GFRA2: variants seen among roughly 807,000 people sequenced by gnomAD.
The protein encoded by GFRA2 is GDNF family receptor alpha-2.
GFRA2 carries 17 observed loss-of-function variants against 48.3 expected under a neutral mutation model. The ratio of observed to expected loss-of-function variants is 0.35; its 90% CI spans 0.24 to 0.53. The LOEUF (loss-of-function observed/expected upper bound fraction) is 0.53, where lower values mean the gene tolerates loss of function less well. GFRA2 is among the 20% of genes least tolerant of loss of function. GFRA2 has a pLI of 0.93. For synonymous variants in GFRA2, 305 were observed against 257.2 expected (o/e 1.19, Z -1.78); for missense variants, 660 against 637.3 (o/e 1.04, Z -0.38).
At chr8:21,775,961 G>C (rs1806673541) in intron 2 of GFRA2, among the ~76,000 whole-genome samples, 1 of 151,436 alleles carries the variant, frequency 6.6e-6, no homozygotes, top group African/African-American at 2.4e-5. Context: ...TATTGGTGAG[G>C]GGAAATTGAT....
At chr8:21,770,471 C>T (rs1461257861) in intron 3 of GFRA2, among the ~76,000 whole-genome samples, 2 of 152,282 alleles carry the variant, frequency 1.3e-5, no homozygotes, top group South Asian at 2.1e-4. Flanking sequence ...AGAGGTGGGA[C>T]AGGGATTGGA....
upstream of GFRA2, among the ~76,000 whole-genome samples, chr8:21,791,846 A>G (rs888534767): frequency 5.7e-4 from 87 of 152,362 alleles, no homozygotes; most frequent in African/African-American, 2.1e-3. Context: ...CAGGGGTTCA[A>G]GGGCAACAGA....
intron 2 of GFRA2, among the ~76,000 whole-genome samples, chr8:21,799,572 C>G (rs1175238942): frequency 6.6e-6 from 1 of 152,202 alleles, no homozygotes; most frequent in Non-Finnish European, 1.5e-5. Context: ...ACTTTAAAGT[C>G]TAATTCTATA....
chr8:21,767,193 G>A (rs981894443), intron 3 of GFRA2, among the ~76,000 whole-genome samples: 51 of 132,018 alleles, frequency 3.9e-4, no homozygotes, highest in Middle Eastern at 4.8e-3. Flanking sequence ...ACACATCACC[G>A]CCTACACATA....
At chr8:21,730,594 G>T (rs1464296765) in intron 4 of GFRA2, among the ~76,000 whole-genome samples, 1 of 152,086 alleles carries the variant, frequency 6.6e-6, no homozygotes, top group Non-Finnish European at 1.5e-5. Flanking sequence ...TCATTCTCCA[G>T]GTGCCTCTCC....
intron 4 of GFRA2, among the ~76,000 whole-genome samples, chr8:21,723,901 C>A (rs36053814): frequency 0.13 from 19,870 of 152,038 alleles, 1,366 homozygotes; most frequent in Non-Finnish European, 0.15. Flanking sequence ...CAAGGGGAGT[C>A]CCCACAGCAG....
chr8:21,810,927 G>A (rs2117125302), intron 1 of GFRA2, among the ~76,000 whole-genome samples: 1 of 152,314 alleles, frequency 6.6e-6, no homozygotes, highest in South Asian at 2.1e-4. Context: ...AGCAACTCTA[G>A]AAGAAGCACC....
chr8:21,786,407 C>T (rs931369206), intron 1 of GFRA2, among the ~76,000 whole-genome samples: 13 of 152,266 alleles, frequency 8.5e-5, no homozygotes, highest in African/African-American at 3.1e-4. Context: ...GGCAATCTGG[C>T]TGTTTTGCCT....
At chr8:21,804,616 T>G (rs981488823) in intron 2 of GFRA2, among the ~76,000 whole-genome samples, 2 of 152,108 alleles carry the variant, frequency 1.3e-5, no homozygotes, top group African/African-American at 2.4e-5. Flanking sequence ...CTGCCTCTTC[T>G]TCTGTCCCCA....
intron 4 of GFRA2, among the ~76,000 whole-genome samples, chr8:21,736,249 C>A (rs1483715664): frequency 2.0e-5 from 3 of 152,044 alleles, no homozygotes; most frequent in African/African-American, 7.2e-5. Flanking sequence ...GACACACACC[C>A]ATCAGGAAAA....
At chr8:21,725,967 C>G (rs115080420) in intron 4 of GFRA2, among the ~76,000 whole-genome samples, 2,874 of 152,338 alleles carry the variant, frequency 0.019, 78 homozygotes, top group African/African-American at 0.065. Flanking sequence ...AACGCTGTGG[C>G]TCTCTCCTGA....
intron 3 of GFRA2, among the ~76,000 whole-genome samples, chr8:21,772,870 C>T (rs953760381): frequency 2.0e-5 from 3 of 152,322 alleles, no homozygotes; most frequent in South Asian, 4.1e-4. Flanking sequence ...TGGGCTAAGG[C>T]GAGGATCTCT....
intron 4 of GFRA2, among the ~76,000 whole-genome samples, chr8:21,730,027 G>C (rs13269846): frequency 0.23 from 35,076 of 151,856 alleles, 4,431 homozygotes; most frequent in Middle Eastern, 0.35. Context: ...GGTGGACCTC[G>C]AGGGCCTCTC....
intron 3 of GFRA2, among the ~76,000 whole-genome samples, chr8:21,753,840 C>T (rs540368059): frequency 6.3e-4 from 96 of 152,220 alleles, no homozygotes; most frequent in Non-Finnish European, 1.1e-3. Flanking sequence ...TGTATATGGC[C>T]TCACCTCCTA....
chr8:21,723,264 C>G (rs1199596968), intron 4 of GFRA2, among the ~76,000 whole-genome samples: 1 of 152,146 alleles, frequency 6.6e-6, no homozygotes, highest in Non-Finnish European at 1.5e-5. Flanking sequence ...TTAGAACAAG[C>G]AGGTTCAGGC....
upstream of GFRA2, among the ~76,000 whole-genome samples, chr8:21,790,651 C>T (rs1158029301): frequency 2.0e-5 from 3 of 152,190 alleles, no homozygotes; most frequent in Non-Finnish European, 4.4e-5. Context: ...CCCCAGCCAT[C>T]CAGTTGTGCC....
intron 4 of GFRA2, among the ~76,000 whole-genome samples, chr8:21,711,112 C>T (rs1803000684): frequency 6.6e-6 from 1 of 152,224 alleles, no homozygotes; most frequent in South Asian, 2.1e-4. Flanking sequence ...TTATGCTTTT[C>T]ATAATACAAG....
In GFRA2 at chr8:21,693,364, T is replaced by C. The variant is rs1177238919; in HGVS notation, c.1309A>G (p.Ile437Val). The C allele has an allele frequency of 1.2e-6, 2 of 1,613,164 alleles. No individual in the cohort carries two copies. The highest frequency in any genetic ancestry group is 3.3e-5 in the Admixed American group (2 of 59,926). ...CTGCTGGGGCCTGAGTTAGGTTTGA[T>C]CACCTTGTTACTCCCTGGGATGATA... ...TNIIPGSNKV[I>V]KPNSGPSRAR... Residue 437 changes from isoleucine to valine, a missense_variant, in exon 9 of 9, where the codon ATC becomes GTC. Coordinates refer to ENST00000524240, the MANE Select transcript of GFRA2 (RefSeq NM_001495.5).
At chr8:21,725,627 T>C (rs1269046920) in intron 4 of GFRA2, among the ~76,000 whole-genome samples, 3 of 152,246 alleles carry the variant, frequency 2.0e-5, no homozygotes, top group Non-Finnish European at 4.4e-5. Context: ...TCTAAAAGCA[T>C]TAGTGCATTT....
Sources: gnomAD v4.1 joint callset for allele counts (sites outside exome capture counted in the v4.1 genomes callset) on GRCh38, gnomAD v4.1.1 for gene constraint, MANE v1.5 for transcripts, NCBI Gene and HGNC (gene_info 2026-07-23, HGNC 2026-07-21) for gene names.